FBXO28: variants seen among roughly 807,000 people sequenced by gnomAD.
FBXO28 encodes F-box protein 28, also known as F-box only protein 28.
In FBXO28, 8 loss-of-function variants were observed where a neutral mutation model predicts 38.1. That is an observed-to-expected ratio of 0.21 (90% confidence interval 0.12 to 0.38). FBXO28 has a LOEUF of 0.38. Ranked by LOEUF, FBXO28 falls within the 10% of genes least tolerant of loss-of-function variation. FBXO28 has a pLI of 1.00. For missense variants in FBXO28, 345 were observed against 460.6 expected (o/e 0.75, Z 2.30); for synonymous variants, 168 against 173.8 (o/e 0.97, Z 0.26).
At chr1:224,152,697 G>A (rs908546581) in intron 3 of FBXO28, among the ~76,000 whole-genome samples, 2 of 152,044 alleles carry the variant, frequency 1.3e-5, no homozygotes, top group African/African-American at 2.4e-5. Flanking sequence ...TTGGGAGGCC[G>A]AGGTGGGTGG....
At chr1:224,124,281 C>G (rs962434673) in intron 1 of FBXO28, among the ~76,000 whole-genome samples, 6 of 152,168 alleles carry the variant, frequency 3.9e-5, no homozygotes, top group Admixed American at 2.6e-4. Flanking sequence ...TATTCTCTTA[C>G]AGTAGAACAG....
At chr1:224,118,000 A>AATTTATTT (rs538990108) in intron 1 of FBXO28, among the ~76,000 whole-genome samples, 1 of 57,370 alleles carries the variant, frequency 1.7e-5, no homozygotes. Flanking sequence ...TTAATTAATT[A>AATTTATTT]ATTTATTTAT....
At chr1:224,156,722 G>A (rs1037742233) in intron 4 of FBXO28, among the ~76,000 whole-genome samples, 1 of 152,124 alleles carries the variant, frequency 6.6e-6, no homozygotes, top group Non-Finnish European at 1.5e-5. Context: ...TTTTCTGACC[G>A]GGCGCAGTGG....
intron 2 of FBXO28, among the ~76,000 whole-genome samples, chr1:224,133,786 C>T (rs964224875): frequency 6.6e-6 from 1 of 151,920 alleles, no homozygotes; most frequent in Non-Finnish European, 1.5e-5. Context: ...GCTGGGATTA[C>T]AGGCGTGAGC....
At position 224,160,465 on chromosome 1, in the gene FBXO28, A is replaced by G. The variant is rs1416932998; in HGVS notation, c.*2719A>G. On this transcript the variant is annotated 3_prime_UTR_variant, in exon 5 of 5. Transcript: ENST00000366862. ...TACAGCGCTGCACACATGGATAGCA[A>G]TGTGAAAAGGCATGCCTAAGAGACA... is the stretch of plus-strand genomic sequence containing the variant. 2 of 152,114 alleles carry G rather than the reference A, an allele frequency of 1.3e-5. No homozygotes were observed. The highest frequency in any genetic ancestry group is 2.9e-5 in the Non-Finnish European group (2 of 68,026). 9.4% of individuals were successfully genotyped at this position (152,114 alleles called of 1,614,324 possible).
intron 3 of FBXO28, among the ~76,000 whole-genome samples, chr1:224,142,238 G>T (rs1036811324): frequency 1.3e-5 from 2 of 151,864 alleles, no homozygotes; most frequent in African/African-American, 2.4e-5. Context: ...TGTAGTCCCA[G>T]CTACTCGGGA....
intron 4 of FBXO28, among the ~76,000 whole-genome samples, chr1:224,155,702 G>A (rs189779510): frequency 3.9e-5 from 6 of 152,256 alleles, no homozygotes; most frequent in Admixed American, 3.3e-4. Context: ...TGAGGCAACC[G>A]AGTGGCTTTC....
intron 3 of FBXO28, among the ~76,000 whole-genome samples, chr1:224,140,769 A>AC (rs1394272341): frequency 6.6e-6 from 1 of 151,758 alleles, no homozygotes; most frequent in African/African-American, 2.4e-5. Context: ...ACATGGTGAA[A>AC]CCCCATCTCT....
intron 3 of FBXO28, among the ~76,000 whole-genome samples, chr1:224,143,123 G>A (rs1006208676): frequency 9.9e-5 from 15 of 151,610 alleles, no homozygotes; most frequent in African/African-American, 3.2e-4. Context: ...TATATTAGCC[G>A]GGTGCAGTGG....
At chr1:224,138,756 A>G (rs1214744081) in intron 3 of FBXO28, among the ~76,000 whole-genome samples, 1 of 149,874 alleles carries the variant, frequency 6.7e-6, no homozygotes, top group Non-Finnish European at 1.5e-5. Context: ...CTTTTTTTTT[A>G]TATTTTTAGA....
intron 3 of FBXO28, among the ~76,000 whole-genome samples, chr1:224,148,402 G>C (rs1657561798): frequency 6.6e-6 from 1 of 152,176 alleles, no homozygotes; most frequent in African/African-American, 2.4e-5. Flanking sequence ...TGCAATCCCA[G>C]CTCTTTGGGA....
chr1:224,156,712 T>C (rs1457800911), intron 4 of FBXO28, among the ~76,000 whole-genome samples: 1 of 152,156 alleles, frequency 6.6e-6, no homozygotes, highest in African/African-American at 2.4e-5. Context: ...AAAATAATTA[T>C]TTTCTGACCG....
At chr1:224,154,767 G>A (rs987882503) in intron 4 of FBXO28, among the ~76,000 whole-genome samples, 2 of 150,382 alleles carry the variant, frequency 1.3e-5, no homozygotes, top group Non-Finnish European at 1.5e-5. Context: ...GAGATTGATC[G>A]TGCCACTGCA....
intron 1 of FBXO28, among the ~76,000 whole-genome samples, chr1:224,129,716 A>G (rs2404842): frequency 1 from 152,189 of 152,278 alleles, 76,050 homozygotes; most frequent in Middle Eastern, 1. Context: ...GAGGCTGGGC[A>G]CGGTGGCTCA....
rs773804810 is a variant in FBXO28, at chr1:224,157,474, A to G, written c.835A>G (p.Arg279Gly). ...AAATGGTGCTGGCGTGACTGTTCTC[A>G]GGCGTGAAATTTCTGAGCTTCGCAC... The part of the protein sequence containing the change: ...KTNGAGVTVL[R>G]REISELRTKV... Residue 279 changes from arginine (R) to glycine (G), a missense_variant, in exon 5 of 5, where the codon AGG (arginine) becomes GGG (glycine). Physicochemically the swap from Arg to Gly is moderately radical, Grantham distance 125. Around this residue, in one of 6 missense-constraint regions of FBXO28, gnomAD observed 151 missense variants for 188.3 expected, o/e 0.80. Transcript: ENST00000366862. The G allele has an allele frequency of 6.2e-7, 1 of 1,614,274 alleles. No individual in the cohort carries two copies. Among genetic ancestry groups the G allele is most frequent in the Non-Finnish European group, 8.5e-7 (1 of 1,180,050 alleles).
intron 1 of FBXO28, among the ~76,000 whole-genome samples, chr1:224,128,291 A>G (rs958972583): frequency 1.3e-5 from 2 of 151,518 alleles, no homozygotes; most frequent in African/African-American, 4.9e-5. Flanking sequence ...TTGTACTGCA[A>G]CGTCTACCCC....
intron 1 of FBXO28, among the ~76,000 whole-genome samples, chr1:224,129,410 A>G (rs566795192): frequency 1.6e-4 from 24 of 152,362 alleles, no homozygotes; most frequent in Middle Eastern, 3.4e-3. Flanking sequence ...CTCCATAGTT[A>G]AGCCAGATCA....
intron 3 of FBXO28, among the ~76,000 whole-genome samples, chr1:224,140,281 A>G (rs1043318293): frequency 2.0e-5 from 3 of 152,172 alleles, no homozygotes; most frequent in Non-Finnish European, 4.4e-5. Flanking sequence ...TTGACAGTTC[A>G]TATTCAAGTT....
chr1:224,153,444 G>T, intron 4 of FBXO28, 107 bp downstream of exon 4: 1 of 730,142 alleles, frequency 1.4e-6, no homozygotes, highest in African/African-American at 1.8e-5. Context: ...GTTGTTTATT[G>T]GCAGCATCAT....
Sources: allele counts gnomAD v4.1 joint callset (sites outside exome capture counted in the v4.1 genomes callset), GRCh38; gene constraint gnomAD v4.1.1; regional missense constraint gnomAD v4.1.1; transcripts MANE v1.5; gene names NCBI Gene and HGNC (gene_info 2026-07-23, HGNC 2026-07-21).